The following CACNA1B variants were observed in gnomAD, a reference collection of about 807,000 sequenced individuals.
CACNA1B encodes the protein calcium voltage-gated channel subunit alpha1 B, also known as voltage-dependent N-type calcium channel subunit alpha-1B.
In CACNA1B, 70 loss-of-function variants were observed where a neutral mutation model predicts 247.2. The ratio of observed to expected loss-of-function variants is 0.28; its 90% CI spans 0.23 to 0.35. The LOEUF is 0.35. Among genes scored for constraint, CACNA1B ranks in the 10% least tolerant of loss-of-function variants. The pLI is 1.00. For missense variants in CACNA1B, 2,367 were observed against 3,197.4 expected (o/e 0.74, Z 6.26); for synonymous variants, 1,231 against 1,294.4 (o/e 0.95, Z 1.05).
chr9:137,892,123 C>T lies in CACNA1B; in HGVS notation c.530+9240C>T, dbSNP rs1454656371. 8.8e-6 allele frequency: 4 copies of T among 456,944 alleles called. No homozygotes were observed. In the Admixed American group the frequency reaches 9.4e-5, roughly 11 times the overall value. The allele number at this position is 456,944 out of a possible 1,614,324, so 28.3% of individuals were successfully genotyped here. A position where few individuals can be genotyped will look rare whatever the true frequency, so the allele number is the denominator to read the frequency against. ...CCCGAGAAGTTTCCCTGCTGGCTCA[C>T]CACAAAGCCCAGCCTCTACTGACAG... On this transcript the variant is annotated intron_variant, in intron 3 of 46. Transcript: ENST00000371372.
chr9:138,076,496 C>T (rs781549451), intron 35 of CACNA1B, among the ~76,000 whole-genome samples: 1 of 152,184 alleles, frequency 6.6e-6, no homozygotes, highest in Admixed American at 6.5e-5. Flanking sequence ...TCCAGCCAAG[C>T]CAAGTAACAG....
chr9:137,886,011 C>T (rs1422174919), intron 3 of CACNA1B, among the ~76,000 whole-genome samples: 10 of 151,952 alleles, frequency 6.6e-5, no homozygotes, highest in South Asian at 4.2e-4. Context: ...TCGCTTGGGC[C>T]GGGGTGAGGT....
intron 44 of CACNA1B, among the ~76,000 whole-genome samples, chr9:138,118,981 G>C (rs886277067): frequency 6.6e-6 from 1 of 152,098 alleles, no homozygotes; most frequent in Non-Finnish European, 1.5e-5. Context: ...AGCCCCTGAG[G>C]CTTCTCCAGA....
chr9:138,034,343 TG>T (rs1196067551), intron 20 of CACNA1B, among the ~76,000 whole-genome samples: 6 of 152,110 alleles, frequency 3.9e-5, no homozygotes, highest in African/African-American at 7.2e-5. Flanking sequence ...TGCTCCCACT[TG>T]GCTCTCTCTC....
rs752559747 is a variant in CACNA1B, at chr9:138,046,961, C to T, written c.3471C>T (p.Leu1157=). 3.2e-5 allele frequency: 51 copies of T among 1,613,584 alleles called. No homozygotes were observed. The highest frequency in any genetic ancestry group is 3.3e-4 in the Middle Eastern group (2 of 6,062). Residue 1157 remains leucine, a synonymous_variant, in exon 22 of 47, where the codon CTC becomes CTT. Transcript: ENST00000371372. ...VTMRYFEVVI[L]VVIALSSIAL... is the part of the protein sequence containing the mutation. The stretch of plus-strand genomic sequence containing the variant: ...TGAGGTACTTCGAGGTGGTCATTCT[C>T]GTGGTCATCGCCTTGAGCAGCATCG...
At chr9:138,069,313 A>G (rs1960038690) in intron 31 of CACNA1B, among the ~76,000 whole-genome samples, 1 of 152,192 alleles carries the variant, frequency 6.6e-6, no homozygotes, top group African/African-American at 2.4e-5. Context: ...GGGCACCCAG[A>G]GAGAGGGCTC....
intron 36 of CACNA1B, among the ~76,000 whole-genome samples, chr9:138,080,945 C>T (rs1960504829): frequency 6.6e-6 from 1 of 152,216 alleles, no homozygotes; most frequent in South Asian, 2.1e-4. Context: ...CTGTGTTTCA[C>T]TACTTGCTAG....
chr9:138,053,540 C>T lies in CACNA1B; in HGVS notation c.3808-306C>T, dbSNP rs140190636. On this transcript the variant is annotated intron_variant, in intron 25 of 46. Transcript: ENST00000371372. ...CTCCCTTCACATCCTTTCCTGCTTCCGGCCCCTCCCTGTGGCTCCACCTCT... is the reference window on the plus strand; with the variant it reads ...CTCCCTTCACATCCTTTCCTGCTTCTGGCCCCTCCCTGTGGCTCCACCTCT... Among the ~76,000 whole-genome samples, 1,336 of 152,206 alleles carry T rather than the reference C, an allele frequency of 8.8e-3. 14 individuals carry two copies. The highest frequency in any genetic ancestry group is 0.014 in the Non-Finnish European group (918 of 67,978).
chr9:138,115,407 C>A (rs1029747663), intron 41 of CACNA1B, 145 bp from the exon 42 acceptor site: 2 of 756,314 alleles, frequency 2.6e-6, no homozygotes, highest in Admixed American at 5.6e-5. Flanking sequence ...GGAAAGTAAG[C>A]GGCCCCTTGC....
At chr9:137,916,219 G>A (rs1476557242) in intron 5 of CACNA1B, among the ~76,000 whole-genome samples, 1 of 152,026 alleles carries the variant, frequency 6.6e-6, no homozygotes, top group Non-Finnish European at 1.5e-5. Context: ...TTTTAGTACA[G>A]ACAGGGTTTC....
chr9:137,892,905 G>A (rs1957122871), intron 3 of CACNA1B, among the ~76,000 whole-genome samples: 1 of 152,232 alleles, frequency 6.6e-6, no homozygotes, highest in Non-Finnish European at 1.5e-5. Context: ...TGTTTCCATT[G>A]GCATGCATCA....
chr9:138,034,327 AGTCCCTGCTCCCACTTGG>A (rs760906737), intron 20 of CACNA1B, among the ~76,000 whole-genome samples: 1 of 152,052 alleles, frequency 6.6e-6, no homozygotes, highest in Non-Finnish European at 1.5e-5. Context: ...TAGGGATGAA[AGTCCCTGCTCCCACTTGG>A]CTCTCTCTCA....
chr9:137,892,187 G>T (rs1443622095), intron 3 of CACNA1B: 5 of 456,818 alleles, frequency 1.1e-5, no homozygotes, highest in Admixed American at 9.4e-5. Flanking sequence ...GTCTGCTGGG[G>T]AGGCTGGAGC....
rs564038076 is a variant in CACNA1B at position 137,984,284 on chromosome 9, G to A, written c.1769+34G>A. 22 of 1,470,900 alleles carry A rather than the reference G, an allele frequency of 1.5e-5. No homozygotes were observed. In the Admixed American group the frequency reaches 1.6e-4, roughly 10 times the overall value. The allele number at this position is 1,470,900 out of a possible 1,614,324, so 91.1% of individuals were successfully genotyped here. A position where few individuals can be genotyped will look rare whatever the true frequency, so the allele number is the denominator to read the frequency against. ...CCTGCGCTCCCAGGCGAGGGCAGGT[G>A]TAGGGTGGAGAGGGCGTGGGATCAG... On this transcript the variant is annotated intron_variant, in intron 13 of 46. Transcript: ENST00000371372.
intron 6 of CACNA1B, among the ~76,000 whole-genome samples, chr9:137,934,562 G>A (rs572183358): frequency 3.7e-4 from 57 of 152,288 alleles, no homozygotes; most frequent in African/African-American, 1.3e-3. Flanking sequence ...TGAAGGAAGC[G>A]GATTGCTCCA....
rs571030786 is a variant in CACNA1B, at chr9:138,115,198, G to T, written c.5650-354G>T. ...CCCTAACTCCTACCAGCCAATTCAA[G>T]GTGATGATTAGATGGAATATTGTTG... On this transcript the variant is annotated intron_variant, in intron 41 of 46. Coordinates refer to ENST00000371372, the MANE Select transcript of CACNA1B (RefSeq NM_000718.4). 1.1e-4 allele frequency among the ~76,000 whole-genome samples: 17 copies of T among 152,320 alleles called. No individual in the cohort carries two copies. The South Asian group carries it at 3.5e-3, about 32-fold the overall frequency.
intron 20 of CACNA1B, among the ~76,000 whole-genome samples, chr9:138,037,704 T>C (rs570577103): frequency 1.3e-5 from 2 of 152,146 alleles, no homozygotes; most frequent in Non-Finnish European, 1.5e-5. Context: ...TCCAGTTCCC[T>C]TCTTTTGGAA....
chr9:138,059,854 C>T lies in CACNA1B; in HGVS notation c.4668+117C>T. On this transcript the variant is annotated intron_variant, in intron 31 of 46. Transcript: ENST00000371372. The surrounding 1 kb of genome is among the most constrained non-coding windows in gnomAD (Gnocchi z 4.2). ...CCTCTTCCTGGGTTCCGCAGAACCCCCTGGACATGTGGAGGCTTCGCTCCA... is the reference window on the plus strand; with the variant it reads ...CCTCTTCCTGGGTTCCGCAGAACCCTCTGGACATGTGGAGGCTTCGCTCCA... 1.5e-6 allele frequency: 1 copy of T among 685,244 alleles called. No homozygotes were observed. The highest frequency in any genetic ancestry group is 2.6e-6 in the Non-Finnish European group (1 of 378,274). The allele number at this position is 685,244 out of a possible 1,614,324, so 42.4% of individuals were successfully genotyped here.
intron 10 of CACNA1B, among the ~76,000 whole-genome samples, chr9:137,960,237 A>AGACGCCACCAGG (rs1240664734): frequency 3.6e-3 from 22 of 6,082 alleles, no homozygotes; most frequent in East Asian, 4.7e-3. Flanking sequence ...GGAAGCCGGG[A>AGACGCCACCAGG]GAGGGGAGTT....
Sources: gnomAD v4.1 joint callset for allele counts (sites outside exome capture counted in the v4.1 genomes callset) on GRCh38, gnomAD v4.1.1 for gene constraint, Gnocchi (gnomAD v3.1) non-coding constraint, MANE v1.5 for transcripts, NCBI Gene and HGNC (gene_info 2026-07-23, HGNC 2026-07-21) for gene names.